Variants in FLNC observed in about 807,000 individuals in gnomAD.
FLNC encodes the protein filamin-C.
A neutral mutation model predicts 254.3 loss-of-function variants in FLNC; 91 were observed. The ratio of observed to expected loss-of-function variants is 0.36; its 90% CI spans 0.30 to 0.43. The LOEUF is 0.43. Ranked by LOEUF, FLNC falls within the 20% of genes least tolerant of loss-of-function variation. The pLI, the probability that FLNC is intolerant of heterozygous loss-of-function variation, is 1.00. For missense variants in FLNC, 2,853 were observed against 3,802.6 expected (o/e 0.75, Z 6.57); for synonymous variants, 1,430 against 1,577.2 (o/e 0.91, Z 2.21).
chr7:128,850,054 G>A lies in FLNC; in HGVS notation c.5278G>A (p.Gly1760Ser), dbSNP rs150986092. Residue 1760 changes from glycine (G) to serine (S), a missense_variant, in exon 31 of 48, where the codon GGC (glycine) becomes AGC (serine). Gly to Ser is a moderately conservative substitution (Grantham distance 56, BLOSUM62 0). Around this residue, in one of 10 missense-constraint regions of FLNC, gnomAD observed 258 missense variants for 312.3 expected, o/e 0.83. Transcript: ENST00000325888. ...LRQPYAPPRPGARPTHWATEE... is the reference protein window; with the variant it reads ...LRQPYAPPRPSARPTHWATEE... ...CCAGCCCTACGCTCCTCCCCGGCCCGGCGCCCGCCCCACACACTGGGTACT... is the reference window on the plus strand; with the variant it reads ...CCAGCCCTACGCTCCTCCCCGGCCCAGCGCCCGCCCCACACACTGGGTACT... 159 of 1,542,792 alleles carry A rather than the reference G, an allele frequency of 1.0e-4. No homozygotes were observed. In the East Asian group the frequency reaches 1.0e-3, roughly 10 times the overall value.
Position 128,854,902 on chromosome 7 carries a change from C to T in FLNC, c.7125C>T (p.Val2375=), listed in dbSNP as rs1201718888. 2.5e-6 allele frequency: 4 copies of T among 1,614,044 alleles called. No individual in the cohort carries two copies. Among genetic ancestry groups the T allele is most frequent in the Non-Finnish European group, 2.5e-6 (3 of 1,180,016 alleles). The change falls in exon 42 of 48, where the codon GTC becomes GTT. Residue 2375 remains valine, a synonymous_variant. Transcript: ENST00000325888. ...GCTCCTGCGGCGTCTCCTATGTCGT[C>T]CAGGAACCAGGTGGGCGTCCACACT... ...KDGSCGVSYV[V]QEPGDYEVSI... is the part of the protein sequence containing the mutation.
Position 128,835,255 on chromosome 7 carries a change from G to C in FLNC, c.353-71G>C. On this transcript the variant is annotated intron_variant, in intron 1 of 47. Transcript: ENST00000325888. The surrounding 1 kb of genome is among the most constrained non-coding windows in gnomAD (Gnocchi z 5.3). ...AGCTCTGGCCCGAGGAGCTGCGCAG[G>C]TGAGGGAGGGTGCTCTGGGGCAGTG... The C allele has an allele frequency of 6.2e-7, 1 of 1,607,638 alleles. No individual in the cohort carries two copies.
Position 128,841,717 on chromosome 7 carries a change from A to G in FLNC, c.2121+150A>G. ...TGATACTCATGGGCCCATCAGTACC[A>G]TGGAAAATTTTAAATTTTGTGTTTT... On this transcript the variant is annotated intron_variant, in intron 13 of 47. Coordinates refer to ENST00000325888, the MANE Select transcript of FLNC (RefSeq NM_001458.5). This position sits in a 1 kb window ranked among gnomAD's most constrained non-coding sequence, Gnocchi z 4.3. 1.5e-6 allele frequency: 1 copy of G among 674,220 alleles called. No homozygotes were observed. 41.8% of individuals were successfully genotyped at this position (674,220 alleles called of 1,614,324 possible).
At position 128,837,209 on chromosome 7, in the gene FLNC, C is replaced by T. The variant is rs370425863; in HGVS notation, c.651C>T (p.Asn217=). Residue 217 remains asparagine (N), a synonymous_variant, in exon 3 of 48, where the codon AAC becomes AAT. Transcript: ENST00000325888. Reference sequence around the variant, plus strand: ...GGGACCCCAACCAGCCCGTGGAGAACGCCCGGGAGGCCATGCAGCAGGCCG... The same window carrying T: ...GGGACCCCAACCAGCCCGTGGAGAATGCCCGGGAGGCCATGCAGCAGGCCG... ...EAWDPNQPVE[N]AREAMQQADD... 41 of 1,602,520 alleles carry T rather than the reference C, an allele frequency of 2.6e-5. No homozygotes were observed. Among genetic ancestry groups the T allele is most frequent in the African/African-American group, 9.4e-5 (7 of 74,850 alleles).
At chr7:128,833,266 G>A (rs1807965710) in intron 1 of FLNC, among the ~76,000 whole-genome samples, 1 of 152,220 alleles carries the variant, frequency 6.6e-6, no homozygotes, top group African/African-American at 2.4e-5. Flanking sequence ...GCGGGAGGGG[G>A]CAGCAGCTGT....
Position 128,851,737 on chromosome 7 carries a change from G to A in FLNC, c.5842+109G>A, listed in dbSNP as rs1296565322. The A allele has an allele frequency of 2.7e-6, 3 of 1,130,114 alleles. No homozygotes were observed. In the African/African-American group the frequency reaches 4.6e-5, roughly 17 times the overall value. The allele number at this position is 1,130,114 out of a possible 1,614,324, so 70.0% of individuals were successfully genotyped here. ...AGTCACTCGTGACATTAGGGCAGAGGCCCTTCAAGGTGTGAGGGGTCATAT... is the reference window on the plus strand; with the variant it reads ...AGTCACTCGTGACATTAGGGCAGAGACCCTTCAAGGTGTGAGGGGTCATAT... On this transcript the variant is annotated intron_variant, in intron 35 of 47. Transcript: ENST00000325888.
chr7:128,835,263 G>A lies in FLNC; in HGVS notation c.353-63G>A. On this transcript the variant is annotated intron_variant, in intron 1 of 47. Coordinates refer to ENST00000325888, the MANE Select transcript of FLNC (RefSeq NM_001458.5). This position sits in a 1 kb window ranked among gnomAD's most constrained non-coding sequence, Gnocchi z 5.3. ...CCCGAGGAGCTGCGCAGGTGAGGGA[G>A]GGTGCTCTGGGGCAGTGGAGGGTGG... 1 of 1,609,488 alleles carries A rather than the reference G, an allele frequency of 6.2e-7. No homozygotes were observed. The highest frequency in any genetic ancestry group is 1.7e-5 in the Admixed American group (1 of 60,004).
intron 8 of FLNC, 65 bp from the exon 9 acceptor site, chr7:128,839,958 G>A (rs911825567): frequency 6.3e-7 from 1 of 1,591,990 alleles, no homozygotes; most frequent in African/African-American, 1.3e-5. Flanking sequence ...CTGTGCACAG[G>A]GAGGTGGGGG....
chr7:128,838,360 C>G lies in FLNC; in HGVS notation c.1141C>G (p.Arg381Gly), dbSNP rs770692923. 1 of 1,614,096 alleles carries G rather than the reference C, an allele frequency of 6.2e-7. No homozygotes were observed. The change falls in exon 7 of 48, where the codon CGT becomes GGT. Residue 381 changes from arginine (R) to glycine (G), a missense_variant. Arg to Gly is a moderately radical substitution (Grantham distance 125). Coordinates refer to ENST00000325888, the MANE Select transcript of FLNC (RefSeq NM_001458.5). ...ALGDANKVSA[R>G]GPGLEPVGNV... ...GGGAGATGCCAACAAGGTGTCAGCCCGTGGCCCTGGCCTGGAACCTGTGGG... is the reference window on the plus strand; with the variant it reads ...GGGAGATGCCAACAAGGTGTCAGCCGGTGGCCCTGGCCTGGAACCTGTGGG...
chr7:128,851,122 C>G (rs1395454953), intron 33 of FLNC, 110 bp from the exon 34 acceptor site: 1 of 1,576,620 alleles, frequency 6.3e-7, no homozygotes. Flanking sequence ...TGGGTCCCTA[C>G]GGCACAGACG....
chr7:128,854,149 T>C lies in FLNC; in HGVS notation c.6660T>C (p.Ala2220=), dbSNP rs1808949010. 6.2e-7 allele frequency: 1 copy of C among 1,612,386 alleles called. No homozygotes were observed. The change falls in exon 40 of 48, where the codon GCT becomes GCC. Residue 2220 remains alanine, a synonymous_variant. Coordinates refer to ENST00000325888, the MANE Select transcript of FLNC (RefSeq NM_001458.5). The part of the protein sequence containing the change: ...STQVGGDPFP[A]VFGDFLGRER... ...AGGTCGGCGGGGACCCCTTCCCTGCTGTGTTTGGGGACTTCCTGGGCCGGG... is the reference window on the plus strand; with the variant it reads ...AGGTCGGCGGGGACCCCTTCCCTGCCGTGTTTGGGGACTTCCTGGGCCGGG...
Position 128,849,540 on chromosome 7 carries a change from G to C in FLNC, c.5161G>C (p.Gly1721Arg), listed in dbSNP as rs759786433. Residue 1721 changes from glycine (G) to arginine (R), a missense_variant, in exon 30 of 48, where the codon GGG (glycine) becomes CGG (arginine). By Grantham distance (125) the Gly-to-Arg change is moderately radical. Transcript: ENST00000325888. Reference sequence around the variant, plus strand: ...CAAGTACGTCATCACCATCCGCTTCGGGGGTGAGCACATCCCCAACAGCCC... The same window carrying C: ...CAAGTACGTCATCACCATCCGCTTCCGGGGTGAGCACATCCCCAACAGCCC... ...PGKYVITIRF[G>R]GEHIPNSPFH... The C allele has an allele frequency of 1.2e-6, 2 of 1,614,116 alleles. No individual in the cohort carries two copies. The highest frequency in any genetic ancestry group is 1.7e-6 in the Non-Finnish European group (2 of 1,180,028).
chr7:128,845,884 G>A lies in FLNC; in HGVS notation c.3791-106G>A, dbSNP rs1808541326. 172 of 985,124 alleles carry A rather than the reference G, an allele frequency of 1.7e-4. 1 individual carries two copies. In the South Asian group the frequency reaches 2.2e-3, roughly 13 times the overall value. 61.0% of individuals were successfully genotyped at this position (985,124 alleles called of 1,614,324 possible). ...GGAGGGTGAGAGGAGGGGAAGAGGA[G>A]GGGAAGAGGAGAGGGAGAGGAGAGG... is the stretch of plus-strand genomic sequence containing the variant. On this transcript the variant is annotated intron_variant, in intron 21 of 47. Transcript: ENST00000325888.
In FLNC at chr7:128,846,351, C is replaced by T; in HGVS notation, c.4015C>T (p.Pro1339Ser). 6.2e-7 allele frequency: 1 copy of T among 1,613,642 alleles called. No individual in the cohort carries two copies. Among genetic ancestry groups the T allele is most frequent in the South Asian group, 1.1e-5 (1 of 91,078 alleles). Residue 1339 changes from proline to serine, a missense_variant, in exon 23 of 48, where the codon CCC becomes TCC. This residue lies in a region of FLNC where 1,573 missense variants were observed against 1,883.5 expected (regional missense o/e 0.84). Transcript: ENST00000325888. Reference sequence around the variant, plus strand: ...TGATGAGGTCGCTGTGCCCAAGAGCCCCTTCCGAGTGGGCGTGACCGAGGG... The same window carrying T: ...TGATGAGGTCGCTGTGCCCAAGAGCTCCTTCCGAGTGGGCGTGACCGAGGG... ...LYDEVAVPKSPFRVGVTEGCD... is the reference protein window; with the variant it reads ...LYDEVAVPKSSFRVGVTEGCD...
At chr7:128,852,133 G>A (rs896151155) in intron 35 of FLNC, among the ~76,000 whole-genome samples, 2 of 152,134 alleles carry the variant, frequency 1.3e-5, no homozygotes, top group African/African-American at 4.8e-5. Flanking sequence ...CAAAGTGCTG[G>A]GATTACAGGT....
intron 26 of FLNC, 65 bp from the exon 27 acceptor site, chr7:128,848,496 G>T: frequency 6.4e-7 from 1 of 1,555,010 alleles, no homozygotes; most frequent in South Asian, 1.1e-5. Flanking sequence ...GGCTCAAGAT[G>T]AGATCACCCC....
Position 128,842,663 on chromosome 7 carries a change from CCTA to C in FLNC, c.2357_2359del (p.Tyr786del), listed in dbSNP as rs893296529. The C allele has an allele frequency of 6.4e-7, 1 of 1,554,290 alleles. No homozygotes were observed. The highest frequency in any genetic ancestry group is 8.7e-7 in the Non-Finnish European group (1 of 1,148,808). On this transcript the variant is annotated inframe_deletion, in exon 15 of 48. Coordinates refer to ENST00000325888, the MANE Select transcript of FLNC (RefSeq NM_001458.5). This position sits in a 1 kb window ranked among gnomAD's most constrained non-coding sequence, Gnocchi z 5.4. ...ACAGGCCTCAAGGCCAATGAGCCCACCTACTTCACGGTGGACTGCAGCGAGGCG... is the reference window on the plus strand; with the variant it reads ...ACAGGCCTCAAGGCCAATGAGCCCACCTTCACGGTGGACTGCAGCGAGGCG...
chr7:128,850,164 G>T, intron 31 of FLNC, 90 bp downstream of exon 31: 1 of 1,189,884 alleles, frequency 8.4e-7, no homozygotes, highest in East Asian at 2.5e-5. Flanking sequence ...GCGGGGACAT[G>T]GTCTGGGGGC....
chr7:128,838,018 G>C lies in FLNC; in HGVS notation c.1001G>C (p.Arg334Pro). Reference sequence around the variant, plus strand: ...GTGGTTCCCAACAATGACAAGGATCGCACCTATGCTGTCTCCTATGTGCCC... The same window carrying C: ...GTGGTTCCCAACAATGACAAGGATCCCACCTATGCTGTCTCCTATGTGCCC... Reference protein sequence around the residue: ...AKVVPNNDKDRTYAVSYVPKV... With the variant: ...AKVVPNNDKDPTYAVSYVPKV... The change falls in exon 6 of 48, where the codon CGC (arginine) becomes CCC (proline). Residue 334 changes from arginine to proline, a missense_variant. Transcript: ENST00000325888. 6.2e-7 allele frequency: 1 copy of C among 1,613,958 alleles called. No individual in the cohort carries two copies. The highest frequency in any genetic ancestry group is 8.5e-7 in the Non-Finnish European group (1 of 1,179,898).
Sources: gnomAD v4.1 joint callset for allele counts (sites outside exome capture counted in the v4.1 genomes callset) on GRCh38, gnomAD v4.1.1 for gene constraint, gnomAD v4.1.1 regional missense constraint, Gnocchi (gnomAD v3.1) non-coding constraint, MANE v1.5 for transcripts, NCBI Gene and HGNC (gene_info 2026-07-23, HGNC 2026-07-21) for gene names.